Variants in CEP192 observed in about 807,000 individuals in gnomAD.
CEP192 encodes centrosomal protein of 192 kDa.
Under a neutral mutation model 271.8 loss-of-function variants are expected in CEP192, and 151 were observed. That is an observed-to-expected ratio of 0.56 (90% CI 0.49 to 0.64). CEP192 has a LOEUF of 0.64. CEP192 is among the 30% of genes least tolerant of loss of function. CEP192 has a pLI of 0.00. For synonymous variants in CEP192, 995 were observed against 1,076.5 expected, an observed-to-expected ratio of 0.92 and a Z score of 1.48; for missense variants, 2,910 against 3,020.5, an observed-to-expected ratio of 0.96 and a Z score of 0.86.
intron 19 of CEP192, 140 bp from the exon 20 acceptor site, chr18:13,057,445 G>C (rs958631290): frequency 1.2e-6 from 1 of 828,622 alleles, no homozygotes; most frequent in Non-Finnish European, 1.8e-6. Flanking sequence ...CAACATCAAG[G>C]ACTCCTTCAT....
At position 13,116,574 on chromosome 18, in the gene CEP192, G is replaced by A. The variant is rs1363347494; in HGVS notation, c.7416+71G>A. The A allele has an allele frequency of 4.4e-5, 61 of 1,394,806 alleles. No individual in the cohort carries two copies. In the South Asian group the frequency reaches 7.2e-4, roughly 16 times the overall value. The allele number at this position is 1,394,806 out of a possible 1,614,324, so 86.4% of individuals were successfully genotyped here. A position where few individuals can be genotyped will look rare whatever the true frequency, so the allele number is the denominator to read the frequency against. Reference sequence around the variant, plus strand: ...CAACTCTGATAACAAACATTTTCCTGATGATTCTGTAGACTATATTTAAGT... The same window carrying A: ...CAACTCTGATAACAAACATTTTCCTAATGATTCTGTAGACTATATTTAAGT... On this transcript the variant is annotated intron_variant, in intron 43 of 44. Coordinates refer to ENST00000506447, the MANE Select transcript of CEP192 (RefSeq NM_032142.4).
chr18:13,002,485 T>C (rs2033715647), intron 3 of CEP192, among the ~76,000 whole-genome samples: 1 of 152,196 alleles, frequency 6.6e-6, no homozygotes. Context: ...TACATTTATA[T>C]ATACATTTTT....
rs777652017 is a variant in CEP192 at position 13,068,474 on chromosome 18, T to A, written c.4822+52T>A. ...TGCTTTAATCTGTAGCTAGATAAACTACAAATTTGAGATGTATTTCCTTTG... is the reference window on the plus strand; with the variant it reads ...TGCTTTAATCTGTAGCTAGATAAACAACAAATTTGAGATGTATTTCCTTTG... On this transcript the variant is annotated intron_variant, in intron 24 of 44. Coordinates refer to ENST00000506447, the MANE Select transcript of CEP192 (RefSeq NM_032142.4). 21 of 1,326,662 alleles carry A rather than the reference T, an allele frequency of 1.6e-5. No individual in the cohort carries two copies. The Admixed American group carries it at 4.1e-4, about 26-fold the overall frequency. The allele number at this position is 1,326,662 out of a possible 1,614,324, so 82.2% of individuals were successfully genotyped here. A position where few individuals can be genotyped will look rare whatever the true frequency, so the allele number is the denominator to read the frequency against.
At chr18:13,084,571 T>C (rs554928105) in intron 30 of CEP192, among the ~76,000 whole-genome samples, 126 of 152,170 alleles carry the variant, frequency 8.3e-4, no homozygotes, top group Non-Finnish European at 1.6e-3. Flanking sequence ...CCCGACCCCT[T>C]GTGCTTCCCG....
At chr18:13,055,259 A>G (rs2037027028) in intron 18 of CEP192, among the ~76,000 whole-genome samples, 1 of 151,590 alleles carries the variant, frequency 6.6e-6, no homozygotes, top group Admixed American at 6.6e-5. Context: ...AACCTGGGCA[A>G]CAAGAGCGAG....
rs1245073854 is a variant in CEP192, at chr18:13,056,329, G to A, written c.3739G>A (p.Val1247Met). 1 of 1,614,116 alleles carries A rather than the reference G, an allele frequency of 6.2e-7. No homozygotes were observed. Among genetic ancestry groups the A allele is most frequent in the Non-Finnish European group, 8.5e-7 (1 of 1,180,052 alleles). ...TGACATGCAGAACATGCCTGCTGCT[G>A]TGCACGCACTCTTGACACAACCCTC... ...VADMQNMPAA[V>M]HALLTQPSLS... The change falls in exon 19 of 45, where the codon GTG (valine) becomes ATG (methionine). Residue 1247 changes from valine (V) to methionine (M), a missense_variant. Coordinates refer to ENST00000506447, the MANE Select transcript of CEP192 (RefSeq NM_032142.4).
chr18:13,101,852 C>T (rs996209927), intron 38 of CEP192, among the ~76,000 whole-genome samples: 21 of 152,136 alleles, frequency 1.4e-4, no homozygotes, highest in African/African-American at 3.4e-4. Context: ...TCTCCCAGCC[C>T]GCCCATGCCC....
Position 13,017,301 on chromosome 18 carries a change from A to G in CEP192, c.754A>G (p.Lys252Glu). Residue 252 changes from lysine (K) to glutamate (E), a missense_variant, in exon 7 of 45, where the codon AAA (lysine) becomes GAA (glutamate). Coordinates refer to ENST00000506447, the MANE Select transcript of CEP192 (RefSeq NM_032142.4). The stretch of plus-strand genomic sequence containing the variant: ...CCTAGAAGGACCAGAACCTCCAGAA[A>G]AAGGTTTTAAGTTACCTACAAATGG... Reference protein sequence around the residue: ...EDLEGPEPPEKGFKLPTNGLR... With the variant: ...EDLEGPEPPEEGFKLPTNGLR... 6.5e-7 allele frequency: 1 copy of G among 1,548,138 alleles called. No homozygotes were observed. Among genetic ancestry groups the G allele is most frequent in the Non-Finnish European group, 8.7e-7 (1 of 1,145,976 alleles).
At chr18:13,067,082 T>C (rs2037747498) in intron 21 of CEP192, among the ~76,000 whole-genome samples, 1 of 152,010 alleles carries the variant, frequency 6.6e-6, no homozygotes, top group African/African-American at 2.4e-5. Context: ...ATATTCAGAA[T>C]AATAAAAGGG....
At chr18:13,075,173 G>A (rs1029333117) in intron 30 of CEP192, among the ~76,000 whole-genome samples, 2 of 152,188 alleles carry the variant, frequency 1.3e-5, no homozygotes, top group African/African-American at 4.8e-5. Context: ...AGGCCTGAGG[G>A]AGGGAGTTTG....
rs2038099700 is a variant in CEP192, at chr18:13,073,107, T to C, written c.5538T>C (p.Pro1846=). The change falls in exon 30 of 45, where the codon CCT becomes CCC. Residue 1846 remains proline (P), a synonymous_variant. Coordinates refer to ENST00000506447, the MANE Select transcript of CEP192 (RefSeq NM_032142.4). The part of the protein sequence containing the change: ...EDIFISVLFA[P]TRLSCMLARL... ...TTTTCATCTCTGTATTATTTGCACC[T>C]ACTCGATTATCTTGCATGTTGGCTA... The C allele has an allele frequency of 1.2e-6, 2 of 1,613,914 alleles. No homozygotes were observed. Among genetic ancestry groups the C allele is most frequent in the Admixed American group, 1.7e-5 (1 of 59,980 alleles).
rs559117194 is a variant in CEP192 at position 13,099,461 on chromosome 18, T to TAA, written c.6558-14_6558-13dup. 8.0e-5 allele frequency: 104 copies of TAA among 1,306,110 alleles called. No individual in the cohort carries two copies. Among genetic ancestry groups the TAA allele is most frequent in the Middle Eastern group, 6.0e-4 (3 of 5,040 alleles). 80.9% of individuals were successfully genotyped at this position (1,306,110 alleles called of 1,614,324 possible). On this transcript the variant is annotated splice_polypyrimidine_tract_variant and intron_variant, in intron 36 of 44. Coordinates refer to ENST00000506447, the MANE Select transcript of CEP192 (RefSeq NM_032142.4). The stretch of plus-strand genomic sequence containing the variant: ...TGCAGGCTCTTTTTAATTTTCTTAT[T>TAA]AATTTTTTTTAAAGGAGTAAACTAC...
intron 4 of CEP192, among the ~76,000 whole-genome samples, chr18:13,011,245 C>G (rs1331914919): frequency 6.9e-6 from 1 of 145,246 alleles, no homozygotes; most frequent in Non-Finnish European, 1.5e-5. Flanking sequence ...AAAAAAGAAA[C>G]AATAAAAACA....
chr18:13,112,992 T>C (rs7241755), intron 40 of CEP192, among the ~76,000 whole-genome samples: 5,508 of 152,358 alleles, frequency 0.036, 315 homozygotes, highest in African/African-American at 0.12. Flanking sequence ...AGTTTTCTCA[T>C]GATTGAGCTT....
intron 30 of CEP192, among the ~76,000 whole-genome samples, chr18:13,082,093 T>C (rs2038640587): frequency 6.6e-6 from 1 of 152,184 alleles, no homozygotes; most frequent in East Asian, 1.9e-4. Context: ...TGATTTGGGG[T>C]GGAGAGTTCT....
At chr18:13,071,279 G>A in intron 28 of CEP192, 67 bp downstream of exon 28, 12 of 1,401,258 alleles carry the variant, frequency 8.6e-6, no homozygotes, top group Non-Finnish European at 1.2e-5. Context: ...ACAAATTAAT[G>A]TTTGCAGGAA....
intron 18 of CEP192, 122 bp from the exon 19 acceptor site, chr18:13,055,658 A>G (rs984917276): frequency 7.8e-6 from 5 of 642,678 alleles, no homozygotes; most frequent in Admixed American, 7.0e-5. Context: ...GTGTAAACCA[A>G]TTTTTTTTCA....
In CEP192 at chr18:13,105,051, G is replaced by A; in HGVS notation, c.7019G>A (p.Gly2340Asp). The A allele has an allele frequency of 6.2e-7, 1 of 1,613,948 alleles. No homozygotes were observed. Among genetic ancestry groups the A allele is most frequent in the East Asian group, 2.2e-5 (1 of 44,880 alleles). The change falls in exon 40 of 45, where the codon GGT (glycine) becomes GAT (aspartate). Residue 2340 changes from glycine (G) to aspartate (D), a missense_variant. Gly to Asp is a moderately conservative substitution (Grantham distance 94, BLOSUM62 -1). Coordinates refer to ENST00000506447, the MANE Select transcript of CEP192 (RefSeq NM_032142.4). ...GCATTCAGATGTTCTCCTATTTCTGGTCTGCTGGAAAGCCATGGGATCCAA... is the reference window on the plus strand; with the variant it reads ...GCATTCAGATGTTCTCCTATTTCTGATCTGCTGGAAAGCCATGGGATCCAA... The part of the protein sequence containing the change: ...YAAFRCSPIS[G>D]LLESHGIQKV...
At chr18:13,016,689 A>T (rs1277637135) in intron 6 of CEP192, among the ~76,000 whole-genome samples, 1 of 152,208 alleles carries the variant, frequency 6.6e-6, no homozygotes, top group African/African-American at 2.4e-5. Context: ...GCCAACTTAG[A>T]AGACCATGAC....
Sources: gnomAD v4.1 joint callset for allele counts (sites outside exome capture counted in the v4.1 genomes callset) on GRCh38, gnomAD v4.1.1 for gene constraint, MANE v1.5 for transcripts, NCBI Gene and HGNC (gene_info 2026-07-23, HGNC 2026-07-21) for gene names.